DSCAML1: variants seen among roughly 807,000 people sequenced by gnomAD.
DSCAML1 encodes cell adhesion molecule DSCAML1.
DSCAML1 carries 38 observed loss-of-function variants against 200.5 expected under a neutral mutation model. The observed-to-expected ratio is 0.19, with a 90% CI of 0.15 to 0.25. The LOEUF is 0.25. Among genes scored for constraint, DSCAML1 ranks in the 10% least tolerant of loss-of-function variants. DSCAML1 has a pLI of 1.00. For missense variants in DSCAML1, 2,223 were observed against 2,858.8 expected, an observed-to-expected ratio of 0.78 and a Z score of 5.07; for synonymous variants, 1,215 against 1,165.0, an observed-to-expected ratio of 1.04 and a Z score of -0.87.
intron 3 of DSCAML1, among the ~76,000 whole-genome samples, chr11:117,632,045 GC>G (rs1456807725): frequency 3.3e-5 from 5 of 152,144 alleles, no homozygotes; most frequent in Non-Finnish European, 7.4e-5. Context: ...CTCCCCAGTG[GC>G]CATATAGCCT....
intron 3 of DSCAML1, among the ~76,000 whole-genome samples, chr11:117,628,139 AGGT>A (rs1210681142): frequency 6.6e-6 from 1 of 152,230 alleles, no homozygotes; most frequent in Non-Finnish European, 1.5e-5. Context: ...TGAGAGACCG[AGGT>A]GCTCAAGGTG....
At chr11:117,575,976 G>A (rs1312011281) in intron 3 of DSCAML1, among the ~76,000 whole-genome samples, 2 of 152,228 alleles carry the variant, frequency 1.3e-5, no homozygotes, top group Non-Finnish European at 2.9e-5. Context: ...AGGATGCAGA[G>A]GGTCCTGGAT....
intron 3 of DSCAML1, among the ~76,000 whole-genome samples, chr11:117,755,238 A>G (rs1400358117): frequency 2.6e-5 from 4 of 152,082 alleles, no homozygotes; most frequent in African/African-American, 9.7e-5. Flanking sequence ...AGAAACACTC[A>G]AAAGACCAGG....
intron 3 of DSCAML1, among the ~76,000 whole-genome samples, chr11:117,763,769 T>C (rs1489393006): frequency 6.6e-6 from 1 of 151,996 alleles, no homozygotes; most frequent in African/African-American, 2.4e-5. Context: ...CCTGATCTAA[T>C]TGTTCTGGGG....
intron 23 of DSCAML1, 73 bp downstream of exon 23, chr11:117,439,193 C>T (rs375590468): frequency 2.2e-5 from 35 of 1,570,732 alleles, no homozygotes; most frequent in Non-Finnish European, 2.9e-5. Flanking sequence ...CGATGACCCT[C>T]TCGCATGATG....
intron 3 of DSCAML1, among the ~76,000 whole-genome samples, chr11:117,653,516 C>T (rs149996424): frequency 6.6e-5 from 10 of 152,274 alleles, no homozygotes; most frequent in African/African-American, 1.9e-4. Flanking sequence ...TGTAGACCCC[C>T]GGGCTAGCCC....
At chr11:117,514,265 G>T (rs548058794) in intron 8 of DSCAML1, among the ~76,000 whole-genome samples, 8 of 152,294 alleles carry the variant, frequency 5.3e-5, no homozygotes, top group African/African-American at 1.9e-4. Flanking sequence ...TACAAAGGGG[G>T]TTCTCCCCAG....
intron 3 of DSCAML1, among the ~76,000 whole-genome samples, chr11:117,617,579 C>T (rs562217256): frequency 6.6e-6 from 1 of 152,176 alleles, no homozygotes; most frequent in Non-Finnish European, 1.5e-5. Context: ...GCCAAAGACA[C>T]TTTGATTCCA....
chr11:117,507,290 G>C (rs1038971921), intron 8 of DSCAML1, among the ~76,000 whole-genome samples: 1 of 152,142 alleles, frequency 6.6e-6, no homozygotes, highest in African/African-American at 2.4e-5. Flanking sequence ...GGCACCAGCC[G>C]CACCCCTCCC....
At chr11:117,722,728 G>A (rs2054061238) in intron 3 of DSCAML1, among the ~76,000 whole-genome samples, 1 of 152,194 alleles carries the variant, frequency 6.6e-6, no homozygotes, top group Non-Finnish European at 1.5e-5. Context: ...AGTTCAGGCT[G>A]TGGACTGGCC....
intron 1 of DSCAML1, among the ~76,000 whole-genome samples, chr11:117,807,470 T>C (rs907528995): frequency 9.2e-5 from 14 of 152,170 alleles, no homozygotes; most frequent in African/African-American, 3.4e-4. Context: ...AGGGATGAGA[T>C]GGAGCCAAGA....
chr11:117,650,686 T>TGTGTGTGTGTGTGC (rs1555194683), intron 3 of DSCAML1, among the ~76,000 whole-genome samples: 5 of 139,152 alleles, frequency 3.6e-5, no homozygotes, highest in African/African-American at 1.3e-4. Context: ...TGTGTGTGTG[T>TGTGTGTGTGTGTGC]GTGTGTGTGT....
intron 1 of DSCAML1, among the ~76,000 whole-genome samples, chr11:117,814,203 G>A (rs954502943): frequency 2.7e-5 from 4 of 149,674 alleles, no homozygotes; most frequent in African/African-American, 7.5e-5. Context: ...CCTATAAAAC[G>A]GCCCCACCCC....
At chr11:117,582,682 G>T (rs776107012) in intron 3 of DSCAML1, among the ~76,000 whole-genome samples, 2 of 152,110 alleles carry the variant, frequency 1.3e-5, no homozygotes, top group Non-Finnish European at 2.9e-5. Context: ...GGGAATATCC[G>T]CAGGGCCCTG....
At chr11:117,602,985 A>C (rs963622868) in intron 3 of DSCAML1, among the ~76,000 whole-genome samples, 1 of 152,174 alleles carries the variant, frequency 6.6e-6, no homozygotes, top group Admixed American at 6.5e-5. Flanking sequence ...AATCCCAGCC[A>C]CTTGGGAGGC....
intron 3 of DSCAML1, among the ~76,000 whole-genome samples, chr11:117,629,120 C>T (rs1022475989): frequency 6.6e-6 from 1 of 152,062 alleles, no homozygotes; most frequent in African/African-American, 2.4e-5. Flanking sequence ...GCATATTGAT[C>T]AGTGCTAATG....
chr11:117,551,600 C>T (rs1256605946), intron 3 of DSCAML1, among the ~76,000 whole-genome samples: 1 of 152,190 alleles, frequency 6.6e-6, no homozygotes, highest in East Asian at 1.9e-4. Context: ...ATTTGTCATC[C>T]TTCTGCCACC....
At chr11:117,787,234 T>G (rs950600862) in intron 1 of DSCAML1, among the ~76,000 whole-genome samples, 2 of 152,210 alleles carry the variant, frequency 1.3e-5, no homozygotes, top group African/African-American at 4.8e-5. Flanking sequence ...CCTCAAGGGT[T>G]GTTATGGTTG....
chr11:117,527,530 G>C (rs933961861), intron 4 of DSCAML1, among the ~76,000 whole-genome samples: 4 of 152,214 alleles, frequency 2.6e-5, no homozygotes, highest in African/African-American at 9.7e-5. Context: ...TTGCAGAACT[G>C]TATAGACTTG....
Sources: gnomAD v4.1 joint callset for allele counts (sites outside exome capture counted in the v4.1 genomes callset) on GRCh38, gnomAD v4.1.1 for gene constraint, MANE v1.5 for transcripts, NCBI Gene and HGNC (gene_info 2026-07-23, HGNC 2026-07-21) for gene names.